KLF12: variants seen among roughly 807,000 people sequenced by gnomAD.
KLF12 encodes KLF transcription factor 12.
Under a neutral mutation model 37.8 loss-of-function variants are expected in KLF12, and 9 were observed. That is an observed-to-expected ratio of 0.24 (90% CI 0.14 to 0.42). KLF12 has a LOEUF of 0.42. KLF12 is among the 10% of genes least tolerant of loss of function. The probability of loss-of-function intolerance (pLI) is 1.00; values close to 1 mark genes in which losing one functional copy is unlikely to be tolerated. For synonymous variants in KLF12, 208 were observed against 202.1 expected, an observed-to-expected ratio of 1.03 and a Z score of -0.25; for missense variants, 411 against 516.0, an observed-to-expected ratio of 0.80 and a Z score of 1.97.
chr13:73,796,049 T>C (rs1459666165), intron 5 of KLF12, among the ~76,000 whole-genome samples: 1 of 152,188 alleles, frequency 6.6e-6, no homozygotes, highest in East Asian at 1.9e-4. Context: ...CAGATAATTA[T>C]CAGATAAGCA....
intron 2 of KLF12, among the ~76,000 whole-genome samples, chr13:73,979,998 G>T (rs1452426454): frequency 6.6e-6 from 1 of 152,090 alleles, no homozygotes; most frequent in Non-Finnish European, 1.5e-5. Context: ...CCAGAGAGGG[G>T]GCCTCAGAAA....
chr13:73,779,235 G>T (rs553618392), intron 5 of KLF12, among the ~76,000 whole-genome samples: 1 of 152,160 alleles, frequency 6.6e-6, no homozygotes, highest in Non-Finnish European at 1.5e-5. Context: ...GATGACATAT[G>T]GCAGAACCCC....
intron 1 of KLF12, among the ~76,000 whole-genome samples, chr13:74,035,179 T>G (rs957609006): frequency 2.0e-5 from 3 of 152,230 alleles, no homozygotes; most frequent in African/African-American, 7.2e-5. Flanking sequence ...TGTAAAACAG[T>G]AGCATGTAGT....
chr13:73,773,135 G>C (rs1054377952), intron 5 of KLF12, among the ~76,000 whole-genome samples: 1 of 152,302 alleles, frequency 6.6e-6, no homozygotes, highest in East Asian at 1.9e-4. Flanking sequence ...AGACAATTCT[G>C]AGAAGAGCTA....
intron 4 of KLF12, chr13:73,844,846 T>A (rs988562471): frequency 6.6e-6 from 1 of 152,200 alleles, no homozygotes; most frequent in Non-Finnish European, 1.5e-5. Flanking sequence ...ACATAAATCT[T>A]AATCCATCAT....
intron 1 of KLF12, among the ~76,000 whole-genome samples, chr13:74,054,801 A>C (rs1194359923): frequency 6.6e-6 from 1 of 152,216 alleles, no homozygotes. Context: ...CATTTTCCAA[A>C]ATAAAAACAA....
intron 1 of KLF12, among the ~76,000 whole-genome samples, chr13:74,029,076 A>C (rs1304206237): frequency 1.3e-5 from 2 of 152,072 alleles, no homozygotes; most frequent in Non-Finnish European, 2.9e-5. Flanking sequence ...TAAATGAGGA[A>C]AGTGAATCTC....
At chr13:73,798,724 C>G (rs1193712595) in intron 5 of KLF12, among the ~76,000 whole-genome samples, 1 of 152,014 alleles carries the variant, frequency 6.6e-6, no homozygotes, top group Non-Finnish European at 1.5e-5. Flanking sequence ...GGAGCATCTC[C>G]CACCAGTCAG....
rs1357358434 is a variant in KLF12 at position 73,813,168 on chromosome 13, C to T, written c.790G>A (p.Ala264Thr). 1.9e-6 allele frequency: 3 copies of T among 1,613,938 alleles called. No homozygotes were observed. The highest frequency in any genetic ancestry group is 1.7e-6 in the Non-Finnish European group (2 of 1,179,934). ...GATACTTACTCTTGTACTGCTCTGGCTATGGAAAGGGCCGTAGATCCAGTT... is the reference window on the plus strand; with the variant it reads ...GATACTTACTCTTGTACTGCTCTGGTTATGGAAAGGGCCGTAGATCCAGTT... The change falls in exon 5 of 8, where the codon GCC (alanine) becomes ACC (threonine). Residue 264 changes from alanine (A) to threonine (T), a missense_variant. Coordinates refer to ENST00000377669, the MANE Select transcript of KLF12 (RefSeq NM_007249.5).
the KLF12 span, among the ~76,000 whole-genome samples, chr13:74,210,826 G>A: frequency 5.3e-5 from 8 of 152,130 alleles, no homozygotes; most frequent in African/African-American, 1.9e-4. Context: ...GTTCTCTTGG[G>A]ATCTTGCTAA....
chr13:73,735,567 G>T (rs1368553187), intron 6 of KLF12, among the ~76,000 whole-genome samples: 1 of 152,102 alleles, frequency 6.6e-6, no homozygotes, highest in African/African-American at 2.4e-5. Flanking sequence ...CACTCCAGCT[G>T]TGGGAACCAC....
the KLF12 span, among the ~76,000 whole-genome samples, chr13:74,270,638 A>G: frequency 6.6e-6 from 1 of 152,202 alleles, no homozygotes; most frequent in Non-Finnish European, 1.5e-5. Context: ...ATAATAAAAA[A>G]TTGATCATAA....
chr13:73,797,480 G>C (rs986781044), intron 5 of KLF12, among the ~76,000 whole-genome samples: 1 of 152,136 alleles, frequency 6.6e-6, no homozygotes, highest in Non-Finnish European at 1.5e-5. Flanking sequence ...ATCTTAACAT[G>C]TAGGGGAGGC....
the KLF12 span, among the ~76,000 whole-genome samples, chr13:74,229,699 A>G: frequency 1.3e-5 from 2 of 152,160 alleles, no homozygotes; most frequent in East Asian, 1.9e-4. Context: ...TTTCATAGGT[A>G]CTGTGGGGCA....
the KLF12 span, among the ~76,000 whole-genome samples, chr13:74,161,281 G>A: frequency 6.6e-6 from 1 of 152,070 alleles, no homozygotes; most frequent in Non-Finnish European, 1.5e-5. Flanking sequence ...ACCCCAGAAT[G>A]TGACCTTATT....
At chr13:73,736,770 G>C (rs963346239) in intron 6 of KLF12, among the ~76,000 whole-genome samples, 1 of 152,128 alleles carries the variant, frequency 6.6e-6, no homozygotes, top group African/African-American at 2.4e-5. Context: ...AACATCATCA[G>C]TGCAAGTTCA....
At chr13:73,876,673 CTTTT>C (rs1423503852) in intron 3 of KLF12, among the ~76,000 whole-genome samples, 1 of 151,766 alleles carries the variant, frequency 6.6e-6, no homozygotes, top group Non-Finnish European at 1.5e-5. Context: ...TCTATTTGTC[CTTTT>C]TGTTTAATTT....
chr13:73,833,512 G>A (rs941580055), intron 4 of KLF12, among the ~76,000 whole-genome samples: 1 of 152,186 alleles, frequency 6.6e-6, no homozygotes, highest in African/African-American at 2.4e-5. Flanking sequence ...CACTCATTCT[G>A]CACTTAAGAG....
intron 3 of KLF12, among the ~76,000 whole-genome samples, chr13:73,937,656 GGAA>G (rs1319016362): frequency 6.6e-6 from 1 of 152,158 alleles, no homozygotes; most frequent in Non-Finnish European, 1.5e-5. Flanking sequence ...ATTGCTAAAG[GGAA>G]GAAGGGCAGA....
Sources: allele counts gnomAD v4.1 joint callset (sites outside exome capture counted in the v4.1 genomes callset), GRCh38; gene constraint gnomAD v4.1.1; transcripts MANE v1.5; gene names NCBI Gene and HGNC (gene_info 2026-07-23, HGNC 2026-07-21).